FIRRM: variants seen among roughly 807,000 people sequenced by gnomAD.
FIRRM encodes the protein FIGNL1 interacting regulator of recombination and mitosis, also known as FIGNL1-interacting regulator of recombination and mitosis.
chr1:169,792,767 A>G, the FIRRM span: 1 of 1,613,324 alleles, frequency 6.2e-7, no homozygotes, highest in South Asian at 1.1e-5. Context: ...TAACAGTCTA[A>G]GGAAAGTCTG....
At chr1:169,830,919 A>C in the FIRRM span, among the ~76,000 whole-genome samples, 1 of 152,132 alleles carries the variant, frequency 6.6e-6, no homozygotes, top group African/African-American at 2.4e-5. Flanking sequence ...GTACTAAAAA[A>C]CCGTTAGTGT....
chr1:169,819,252 C>T, the FIRRM span, among the ~76,000 whole-genome samples: 1 of 152,224 alleles, frequency 6.6e-6, no homozygotes, highest in East Asian at 1.9e-4. Context: ...ATCAGCCCAT[C>T]ACTCATGGGA....
the FIRRM span, chr1:169,843,603 C>G: frequency 1.1e-6 from 1 of 873,246 alleles, no homozygotes; most frequent in Non-Finnish European, 1.9e-6. Flanking sequence ...AATAAATGCT[C>G]AATAAAAGCT....
the FIRRM span, among the ~76,000 whole-genome samples, chr1:169,812,029 G>A: frequency 6.6e-6 from 1 of 152,182 alleles, no homozygotes; most frequent in Non-Finnish European, 1.5e-5. Context: ...TTGGCATTAA[G>A]ATGCAAACTT....
chr1:169,793,008 TA>T, the FIRRM span: 1 of 1,614,160 alleles, frequency 6.2e-7, no homozygotes, highest in East Asian at 2.2e-5. Context: ...GCTACTACAT[TA>T]GGTAAGGTTA....
At chr1:169,797,133 G>A in the FIRRM span, among the ~76,000 whole-genome samples, 2 of 152,228 alleles carry the variant, frequency 1.3e-5, no homozygotes, top group Non-Finnish European at 2.9e-5. Context: ...AACAGTGCCT[G>A]ACACATAGTA....
the FIRRM span, among the ~76,000 whole-genome samples, chr1:169,784,177 A>C: frequency 1.2e-4 from 18 of 152,298 alleles, 1 homozygote; most frequent in East Asian, 3.5e-3. Flanking sequence ...GTTATTCTAC[A>C]TATAAAGTTC....
chr1:169,799,360 C>T, the FIRRM span, among the ~76,000 whole-genome samples: 13 of 152,180 alleles, frequency 8.5e-5, no homozygotes, highest in African/African-American at 2.6e-4. Context: ...ACAAATTTAC[C>T]ATTTGGAGGA....
At chr1:169,824,568 A>G in the FIRRM span, among the ~76,000 whole-genome samples, 6 of 152,334 alleles carry the variant, frequency 3.9e-5, no homozygotes, top group African/African-American at 9.6e-5. Flanking sequence ...ATCTAGTCCA[A>G]TCAGGCTTTC....
At chr1:169,803,709 C>T in the FIRRM span, among the ~76,000 whole-genome samples, 1 of 152,124 alleles carries the variant, frequency 6.6e-6, no homozygotes, top group Non-Finnish European at 1.5e-5. Flanking sequence ...CAGAGGTAGC[C>T]TTGAGGCACA....
At chr1:169,823,488 T>A in the FIRRM span, 5 of 1,551,184 alleles carry the variant, frequency 3.2e-6, no homozygotes, top group Non-Finnish European at 4.4e-6. Flanking sequence ...AAGAATGCCA[T>A]ATGATTATTA....
the FIRRM span, among the ~76,000 whole-genome samples, chr1:169,846,426 C>G: frequency 6.6e-6 from 1 of 152,156 alleles, no homozygotes; most frequent in Non-Finnish European, 1.5e-5. Flanking sequence ...CTTCACCCCT[C>G]TAGCTATGAA....
At chr1:169,821,861 A>G in the FIRRM span, 1 of 702,284 alleles carries the variant, frequency 1.4e-6, no homozygotes, top group Non-Finnish European at 2.3e-6. Context: ...CAGATAGCAT[A>G]TAACTTGATC....
At chr1:169,814,241 C>T in the FIRRM span, among the ~76,000 whole-genome samples, 1 of 152,010 alleles carries the variant, frequency 6.6e-6, no homozygotes, top group Non-Finnish European at 1.5e-5. Context: ...TAAAATTTAT[C>T]AAAACTTAGC....
the FIRRM span, chr1:169,826,120 T>C: frequency 3.2e-6 from 1 of 308,366 alleles, no homozygotes; most frequent in Non-Finnish European, 6.8e-6. Context: ...CTGTCTAGGC[T>C]GGAGTGCAAT....
At chr1:169,823,327 A>T in the FIRRM span, 1 of 733,802 alleles carries the variant, frequency 1.4e-6, no homozygotes, top group South Asian at 2.2e-5. Flanking sequence ...ATTTTATGTT[A>T]TTTTGCATAC....
At chr1:169,838,634 C>A in the FIRRM span, among the ~76,000 whole-genome samples, 1 of 152,114 alleles carries the variant, frequency 6.6e-6, no homozygotes, top group Admixed American at 6.5e-5. Context: ...GGATTACAGG[C>A]ACCCGCCACC....
At chr1:169,813,103 CAG>C in the FIRRM span, among the ~76,000 whole-genome samples, 2 of 152,098 alleles carry the variant, frequency 1.3e-5, no homozygotes, top group Admixed American at 6.5e-5. Flanking sequence ...AAATTAAAGA[CAG>C]TAATTTATTT....
At chr1:169,805,417 TA>T in the FIRRM span, among the ~76,000 whole-genome samples, 2 of 152,168 alleles carry the variant, frequency 1.3e-5, no homozygotes, top group African/African-American at 4.8e-5. Flanking sequence ...TTTCTAAGAG[TA>T]GCAAAAGTGT....
Sources: gnomAD v4.1 joint callset for allele counts (sites outside exome capture counted in the v4.1 genomes callset) on GRCh38, gnomAD v4.1.1 for gene constraint, MANE v1.5 for transcripts, NCBI Gene and HGNC (gene_info 2026-07-23, HGNC 2026-07-21) for gene names.